ZGPAT: variants seen among roughly 807,000 people sequenced by gnomAD.
ZGPAT encodes zinc finger CCCH-type and G-patch domain containing.
A neutral mutation model predicts 47.9 loss-of-function variants in ZGPAT; 39 were observed. That is an observed-to-expected ratio of 0.81 (90% CI 0.63 to 1.06). The LOEUF is 1.06. Among genes scored for constraint, ZGPAT ranks in the 50% least tolerant of loss-of-function variants. The pLI, the probability that ZGPAT is intolerant of heterozygous loss-of-function variation, is 0.00. For missense variants in ZGPAT, 717 were observed against 681.4 expected (o/e 1.05, Z -0.58); for synonymous variants, 348 against 292.9 (o/e 1.19, Z -1.92).
rs777991913 is a variant in ZGPAT at position 63,733,106 on chromosome 20, G to A, written c.585-113G>A. 34 of 1,396,380 alleles carry A rather than the reference G, an allele frequency of 2.4e-5. 1 individual carries two copies. The highest frequency in any genetic ancestry group is 2.8e-5 in the African/African-American group (2 of 70,198). 86.5% of individuals were successfully genotyped at this position (1,396,380 alleles called of 1,614,324 possible). A position where few individuals can be genotyped will look rare whatever the true frequency, so the allele number is the denominator to read the frequency against. ...TGAGAGTGTGTATGTATACGCACGCGTGTGTGTCTGTCTCCCTCAGGACAG... is the reference window on the plus strand; with the variant it reads ...TGAGAGTGTGTATGTATACGCACGCATGTGTGTCTGTCTCCCTCAGGACAG... On this transcript the variant is annotated intron_variant, in intron 2 of 6. Transcript: ENST00000355969.
chr20:63,727,687 A>T (rs1007640732), intron 2 of ZGPAT, among the ~76,000 whole-genome samples: 5 of 151,696 alleles, frequency 3.3e-5, no homozygotes, highest in African/African-American at 1.2e-4. Flanking sequence ...AAAAAAAAAA[A>T]AAAGGATTCT....
Position 63,709,274 on chromosome 20 carries a change from G to A in ZGPAT, c.584+110G>A, listed in dbSNP as rs1869448030. 6.6e-6 allele frequency: 8 copies of A among 1,210,714 alleles called. No homozygotes were observed. In the South Asian group the frequency reaches 1.0e-4, roughly 15 times the overall value. The allele number at this position is 1,210,714 out of a possible 1,614,324, so 75.0% of individuals were successfully genotyped here. A position where few individuals can be genotyped will look rare whatever the true frequency, so the allele number is the denominator to read the frequency against. On this transcript the variant is annotated intron_variant, in intron 2 of 6. Coordinates refer to ENST00000355969, the MANE Select transcript of ZGPAT (RefSeq NM_181485.3). ...CTTTGCAGTTTTGTCTCAGCTTCCT[G>A]GGGCAGGCGTGCTTTGACAGCTGTG...
chr20:63,712,113 C>G (rs1038006885), intron 2 of ZGPAT, among the ~76,000 whole-genome samples: 2 of 152,128 alleles, frequency 1.3e-5, no homozygotes, highest in African/African-American at 4.8e-5. Context: ...CCTATGTTTT[C>G]TTCTAAGAGT....
chr20:63,718,399 C>G (rs1403181293), intron 2 of ZGPAT, among the ~76,000 whole-genome samples: 1 of 151,804 alleles, frequency 6.6e-6, no homozygotes, highest in African/African-American at 2.4e-5. Flanking sequence ...GGTGCACAAT[C>G]TTGCCTCACT....
At position 63,735,264 on chromosome 20, in the gene ZGPAT, G is replaced by A; in HGVS notation, c.1097G>A (p.Arg366Lys). The change falls in exon 6 of 7, where the codon AGG becomes AAG. Residue 366 changes from arginine (R) to lysine (K), a missense_variant. Transcript: ENST00000355969. ...GTGGAGACCCTGCAGAAGCAGACCAGGGTTGGCAAGGCTGGCACCAACAAG... is the reference window on the plus strand; with the variant it reads ...GTGGAGACCCTGCAGAAGCAGACCAAGGTTGGCAAGGCTGGCACCAACAAG... ...QCVETLQKQTRVGKAGTNKPP... is the reference protein window; with the variant it reads ...QCVETLQKQTKVGKAGTNKPP... The A allele has an allele frequency of 5.6e-6, 9 of 1,607,058 alleles. No homozygotes were observed. The highest frequency in any genetic ancestry group is 7.6e-6 in the Non-Finnish European group (9 of 1,176,790).
Position 63,735,991 on chromosome 20 carries a change from C to T in ZGPAT, c.*72C>T, listed in dbSNP as rs1026930945. ...TGCCCTCAGGAAGACCAGTGTTGCCCGAGGAGGGGCCGGCCTGCTGGCCTG... is the reference window on the plus strand; with the variant it reads ...TGCCCTCAGGAAGACCAGTGTTGCCTGAGGAGGGGCCGGCCTGCTGGCCTG... On this transcript the variant is annotated 3_prime_UTR_variant, in exon 7 of 7. Transcript: ENST00000355969. The T allele has an allele frequency of 4.5e-6, 7 of 1,553,126 alleles. No homozygotes were observed. The highest frequency in any genetic ancestry group is 4.1e-5 in the African/African-American group (3 of 73,384).
Position 63,734,731 on chromosome 20 carries a change from G to A in ZGPAT, c.898G>A (p.Gly300Arg), listed in dbSNP as rs1201086086. 5.6e-6 allele frequency: 9 copies of A among 1,613,906 alleles called. No individual in the cohort carries two copies. Among genetic ancestry groups the A allele is most frequent in the Non-Finnish European group, 7.6e-6 (9 of 1,179,952 alleles). The change falls in exon 5 of 7, where the codon GGG becomes AGG. Residue 300 changes from glycine (G) to arginine (R), a missense_variant. Gly to Arg is a moderately radical substitution (Grantham distance 125). Coordinates refer to ENST00000355969, the MANE Select transcript of ZGPAT (RefSeq NM_181485.3). The part of the protein sequence containing the change: ...RVVGSDAVDS[G>R]TCSSAFAGWE... ...GGTGGGGTCAGATGCTGTGGACTCTGGGACCTGCAGCTCTGCCTTTGCTGG... is the reference window on the plus strand; with the variant it reads ...GGTGGGGTCAGATGCTGTGGACTCTAGGACCTGCAGCTCTGCCTTTGCTGG...
chr20:63,717,332 C>CTT lies in ZGPAT; in HGVS notation c.584+8192_584+8193dup, dbSNP rs1173734420. On this transcript the variant is annotated intron_variant, in intron 2 of 6. Coordinates refer to ENST00000355969, the MANE Select transcript of ZGPAT (RefSeq NM_181485.3). ...TGATTTGAGATCTCTTTTTTCTTTTCTTTTTTTTTTTTTTTTTTTTTTTTT... is the reference window on the plus strand; with the variant it reads ...TGATTTGAGATCTCTTTTTTCTTTTCTTTTTTTTTTTTTTTTTTTTTTTTTTT... Among the ~76,000 whole-genome samples the CTT allele has an allele frequency of 1.3e-3, 82 of 60,972 alleles. 1 individual carries two copies. Among genetic ancestry groups the CTT allele is most frequent in the East Asian group, 2.3e-3 (4 of 1,718 alleles). 40.0% of individuals were successfully genotyped at this position (60,972 alleles called of 152,430 possible).
intron 1 of ZGPAT, 177 bp downstream of exon 1, chr20:63,708,295 A>C: frequency 1.0e-5 from 2 of 200,574 alleles, no homozygotes; most frequent in Non-Finnish European, 1.0e-5. Flanking sequence ...GGCTCGGCGG[A>C]GGGTGAGGCG....
intron 2 of ZGPAT, among the ~76,000 whole-genome samples, chr20:63,732,986 GTATGTGCGTGTGTA>G (rs1436969656): frequency 6.6e-6 from 1 of 151,276 alleles, no homozygotes; most frequent in Non-Finnish European, 1.5e-5. Context: ...ATGTGTATCT[GTATGTGCGTGTGTA>G]TATGTGCATG....
At chr20:63,724,655 T>G (rs982691482) in intron 2 of ZGPAT, among the ~76,000 whole-genome samples, 1 of 150,208 alleles carries the variant, frequency 6.7e-6, no homozygotes, top group Non-Finnish European at 1.5e-5. Context: ...CCTTTTAGTC[T>G]GAAGAACTTC....
intron 2 of ZGPAT, among the ~76,000 whole-genome samples, chr20:63,724,956 G>A (rs1379334959): frequency 1.3e-5 from 2 of 148,740 alleles, no homozygotes; most frequent in African/African-American, 5.0e-5. Context: ...ATTACCATGA[G>A]CCACCACGCC....
At chr20:63,729,542 G>A (rs765860982) in intron 2 of ZGPAT, among the ~76,000 whole-genome samples, 3 of 152,172 alleles carry the variant, frequency 2.0e-5, no homozygotes, top group East Asian at 1.9e-4. Flanking sequence ...CTTTCTCCTT[G>A]CACCCCATCT....
intron 2 of ZGPAT, among the ~76,000 whole-genome samples, chr20:63,711,106 T>C (rs974266140): frequency 6.6e-6 from 1 of 151,882 alleles, no homozygotes; most frequent in Admixed American, 6.6e-5. Flanking sequence ...CTCGGCTCAC[T>C]GCAATCTCCG....
At position 63,709,751 on chromosome 20, in the gene ZGPAT, T is replaced by G. The variant is rs181119498; in HGVS notation, c.584+587T>G. Among the ~76,000 whole-genome samples, 361 of 151,920 alleles carry G rather than the reference T, an allele frequency of 2.4e-3. 2 individuals carry two copies. Among genetic ancestry groups the G allele is most frequent in the African/African-American group, 7.9e-3 (327 of 41,418 alleles). On this transcript the variant is annotated intron_variant, in intron 2 of 6. Coordinates refer to ENST00000355969, the MANE Select transcript of ZGPAT (RefSeq NM_181485.3). The stretch of plus-strand genomic sequence containing the variant: ...TGGAGTGCAGTGGCATAGTCCTGGC[T>G]CACTGCAGCCTGGACCTCCTGGGCT...
At chr20:63,720,078 T>C (rs945835656) in intron 2 of ZGPAT, among the ~76,000 whole-genome samples, 3 of 151,584 alleles carry the variant, frequency 2.0e-5, no homozygotes, top group Non-Finnish European at 4.4e-5. Context: ...TGATTGAAAG[T>C]TTTTGTCTAG....
chr20:63,728,723 G>C (rs941983341), intron 2 of ZGPAT, among the ~76,000 whole-genome samples: 8 of 152,186 alleles, frequency 5.3e-5, no homozygotes, highest in African/African-American at 1.9e-4. Flanking sequence ...TGTTTATCGA[G>C]TCACCACTTT....
intron 2 of ZGPAT, among the ~76,000 whole-genome samples, chr20:63,715,862 A>G (rs1227512625): frequency 6.6e-6 from 1 of 151,868 alleles, no homozygotes; most frequent in African/African-American, 2.4e-5. Context: ...AGAGAGATGG[A>G]CTTTTCTTTT....
intron 1 of ZGPAT, 123 bp downstream of exon 1, chr20:63,708,241 C>G (rs2091591220): frequency 6.6e-6 from 1 of 151,072 alleles, no homozygotes; most frequent in African/African-American, 2.5e-5. Context: ...AGACGCCGGG[C>G]GGGGGGGCGC....
Sources: allele counts gnomAD v4.1 joint callset (sites outside exome capture counted in the v4.1 genomes callset), GRCh38; gene constraint gnomAD v4.1.1; transcripts MANE v1.5; gene names NCBI Gene and HGNC (gene_info 2026-07-23, HGNC 2026-07-21).